The following FOXN3 variants were observed in gnomAD, a reference collection of about 807,000 sequenced individuals.
FOXN3 encodes the protein forkhead box protein N3.
FOXN3 carries 7 observed loss-of-function variants against 38.4 expected under a neutral mutation model. That is an observed-to-expected ratio of 0.18 (90% CI 0.10 to 0.34). The LOEUF (loss-of-function observed/expected upper bound fraction) is 0.34. FOXN3 is among the 10% of genes least tolerant of loss of function. The pLI, the probability that FOXN3 is intolerant of heterozygous loss-of-function variation, is 1.00. For synonymous variants in FOXN3, 230 were observed against 242.2 expected (o/e 0.95, Z 0.47); for missense variants, 456 against 613.4 (o/e 0.74, Z 2.71).
At chr14:89,319,572 G>A (rs1488110317) in intron 3 of FOXN3, among the ~76,000 whole-genome samples, 2 of 152,012 alleles carry the variant, frequency 1.3e-5, no homozygotes, top group Admixed American at 6.6e-5. Context: ...CACAAACGAT[G>A]CAGGCACCAG....
At chr14:89,294,257 A>T (rs79108864) in intron 3 of FOXN3, among the ~76,000 whole-genome samples, 1 of 152,048 alleles carries the variant, frequency 6.6e-6, no homozygotes, top group African/African-American at 2.4e-5. Context: ...TCAAAGCACA[A>T]TATCTTCAGG....
At chr14:89,335,941 G>A (rs1459126436) in intron 3 of FOXN3, among the ~76,000 whole-genome samples, 1 of 152,074 alleles carries the variant, frequency 6.6e-6, no homozygotes, top group African/African-American at 2.4e-5. Context: ...ATGACTGAGA[G>A]TTTAAGAGGA....
chr14:89,398,073 T>C (rs1053169980), intron 2 of FOXN3, among the ~76,000 whole-genome samples: 3 of 152,206 alleles, frequency 2.0e-5, no homozygotes, highest in Non-Finnish European at 4.4e-5. Flanking sequence ...GTGGCACTGC[T>C]AAACCTTAGG....
intron 4 of FOXN3, among the ~76,000 whole-genome samples, chr14:89,183,488 T>C (rs767191152): frequency 7.2e-5 from 11 of 151,836 alleles, no homozygotes; most frequent in Non-Finnish European, 1.3e-4. Flanking sequence ...AGAGAATGAA[T>C]TAAGGAGGCA....
chr14:89,597,826 T>A (rs775109977), intron 1 of FOXN3, among the ~76,000 whole-genome samples: 3 of 152,180 alleles, frequency 2.0e-5, no homozygotes, highest in Admixed American at 2.0e-4. Flanking sequence ...ATAAGAAAGG[T>A]ATGTCTCTTT....
intron 1 of FOXN3, among the ~76,000 whole-genome samples, chr14:89,607,833 T>C (rs1344090899): frequency 3.3e-5 from 5 of 152,084 alleles, no homozygotes; most frequent in African/African-American, 7.2e-5. Context: ...TTTTTTTCTT[T>C]TGAGACAGAG....
At chr14:89,388,862 GCTACCAGTGGCTCAACAGCA>G (rs1208943899) in intron 2 of FOXN3, among the ~76,000 whole-genome samples, 1 of 151,980 alleles carries the variant, frequency 6.6e-6, no homozygotes, top group African/African-American at 2.4e-5. Flanking sequence ...AGACGAGGCT[GCTACCAGTGGCTCAACAGCA>G]CCAGCAGAGC....
At position 89,412,606 on chromosome 14, in the gene FOXN3, C is replaced by G; in HGVS notation, c.-14-116G>C. On this transcript the variant is annotated intron_variant, in intron 1 of 5. Transcript: ENST00000557258. This position sits in a 1 kb window ranked among gnomAD's most constrained non-coding sequence, Gnocchi z 4.7. ...CCGCCTCTATGGAACCCCTGCTACA[C>G]AGGAACACCACCTTGTGACTCCCAC... 1 of 726,990 alleles carries G rather than the reference C, an allele frequency of 1.4e-6. No homozygotes were observed. Among genetic ancestry groups the G allele is most frequent in the Non-Finnish European group, 2.2e-6 (1 of 453,458 alleles). The allele number at this position is 726,990 out of a possible 1,614,324, so 45.0% of individuals were successfully genotyped here.
At chr14:89,235,263 G>A (rs575766727) in intron 4 of FOXN3, among the ~76,000 whole-genome samples, 2 of 152,294 alleles carry the variant, frequency 1.3e-5, no homozygotes, top group Non-Finnish European at 2.9e-5. Context: ...GTGGCTTACT[G>A]ATTCCCTCAC....
Position 89,162,042 on chromosome 14 carries a change from A to G in FOXN3, c.*372T>C, listed in dbSNP as rs1424486059. On this transcript the variant is annotated 3_prime_UTR_variant, in exon 6 of 6. Coordinates refer to ENST00000557258, the MANE Select transcript of FOXN3 (RefSeq NM_005197.4). This position sits in a 1 kb window ranked among gnomAD's most constrained non-coding sequence, Gnocchi z 7.2. ...TGCCCACGTGCCTTCTAGGTGCCGAATGTGTGTTCCTGTGATATTGACGTT... is the reference window on the plus strand; with the variant it reads ...TGCCCACGTGCCTTCTAGGTGCCGAGTGTGTGTTCCTGTGATATTGACGTT... 1 of 167,548 alleles carries G rather than the reference A, an allele frequency of 6.0e-6. No homozygotes were observed. Among genetic ancestry groups the G allele is most frequent in the African/African-American group, 2.4e-5 (1 of 41,782 alleles). The allele number at this position is 167,548 out of a possible 1,614,324, so 10.4% of individuals were successfully genotyped here.
At chr14:89,188,999 T>C (rs8006704) in intron 4 of FOXN3, among the ~76,000 whole-genome samples, 5 of 152,064 alleles carry the variant, frequency 3.3e-5, no homozygotes, top group Non-Finnish European at 4.4e-5. Flanking sequence ...CAGCCCAACA[T>C]TGCAATGGCT....
intron 1 of FOXN3, among the ~76,000 whole-genome samples, chr14:89,495,409 A>T (rs1003608648): frequency 6.6e-6 from 1 of 152,178 alleles, no homozygotes; most frequent in Non-Finnish European, 1.5e-5. Context: ...TACTATGATA[A>T]TAATAATAAA....
intron 1 of FOXN3, among the ~76,000 whole-genome samples, chr14:89,592,954 A>C (rs1895988579): frequency 6.6e-6 from 1 of 151,692 alleles, no homozygotes; most frequent in African/African-American, 2.4e-5. Flanking sequence ...AATCAAATTG[A>C]AAGTCCGCTG....
At chr14:89,222,940 T>G (rs1438680605) in intron 4 of FOXN3, among the ~76,000 whole-genome samples, 1 of 152,196 alleles carries the variant, frequency 6.6e-6, no homozygotes, top group Non-Finnish European at 1.5e-5. Flanking sequence ...CAATTTTTTT[T>G]TCTTTTTAAA....
In FOXN3 at chr14:89,439,868, A is replaced by C. The variant is rs548845740; in HGVS notation, c.-14-27378T>G. ...ACGGGGTTTCACCGTGTTAGCCAGGATGGTCTCAATCTCCTGACGTCGTGA... is the reference window on the plus strand; with the variant it reads ...ACGGGGTTTCACCGTGTTAGCCAGGCTGGTCTCAATCTCCTGACGTCGTGA... On this transcript the variant is annotated intron_variant, in intron 1 of 6. Coordinates refer to the FOXN3 transcript ENST00000345097. Among the ~76,000 whole-genome samples, 21 of 152,022 alleles carry C rather than the reference A, an allele frequency of 1.4e-4. No individual in the cohort carries two copies. In the South Asian group the frequency reaches 3.1e-3, roughly 23 times the overall value.
chr14:89,454,491 C>A (rs1596280406), intron 1 of FOXN3, among the ~76,000 whole-genome samples: 2 of 152,350 alleles, frequency 1.3e-5, no homozygotes, highest in South Asian at 4.1e-4. Flanking sequence ...CTGACAAAGA[C>A]ATATGCAATT....
At chr14:89,249,709 G>A (rs1313091978) in intron 4 of FOXN3, among the ~76,000 whole-genome samples, 3 of 152,190 alleles carry the variant, frequency 2.0e-5, no homozygotes, top group Admixed American at 6.5e-5. Context: ...CAAATCCAAC[G>A]ATGGGACAAT....
intron 4 of FOXN3, among the ~76,000 whole-genome samples, 174 bp from the exon 5 acceptor site, chr14:89,180,980 ACAT>A (rs1887657604): frequency 6.6e-6 from 1 of 151,578 alleles, no homozygotes; most frequent in Non-Finnish European, 1.5e-5. Context: ...AGTCACACAG[ACAT>A]GCACAGACAC....
chr14:89,574,745 A>G (rs973356007), intron 1 of FOXN3, among the ~76,000 whole-genome samples: 2 of 152,170 alleles, frequency 1.3e-5, no homozygotes, highest in Non-Finnish European at 2.9e-5. Flanking sequence ...GGAACAAGAA[A>G]AGAAGACTGG....
Sources: gnomAD v4.1 joint callset for allele counts (sites outside exome capture counted in the v4.1 genomes callset) on GRCh38, gnomAD v4.1.1 for gene constraint, Gnocchi (gnomAD v3.1) non-coding constraint, MANE v1.5 for transcripts, NCBI Gene and HGNC (gene_info 2026-07-23, HGNC 2026-07-21) for gene names.